Variants in LRAT observed in about 807,000 individuals in gnomAD.
LRAT encodes lecithin retinol acyltransferase.
In LRAT, 11 loss-of-function variants were observed where a neutral mutation model predicts 14.2. The ratio of observed to expected loss-of-function variants is 0.78; its 90% CI spans 0.49 to 1.29. The LOEUF (loss-of-function observed/expected upper bound fraction) is 1.29, where lower values mean the gene tolerates loss of function less well. Among genes scored for constraint, LRAT ranks in the 50% most tolerant of loss-of-function variants. The probability of loss-of-function intolerance (pLI) is 0.00; values close to 1 mark genes in which losing one functional copy is unlikely to be tolerated. For synonymous variants in LRAT, 144 were observed against 124.8 expected, an observed-to-expected ratio of 1.15 and a Z score of -1.03; for missense variants, 274 against 292.4, an observed-to-expected ratio of 0.94 and a Z score of 0.46.
intron 1 of LRAT, 33 bp from the exon 2 acceptor site, chr4:154,744,293 C>T (rs1386440634): frequency 1.2e-6 from 2 of 1,610,870 alleles, no homozygotes; most frequent in African/African-American, 2.7e-5. Context: ...GGAGTGGCAC[C>T]GGCACCTCTC....
upstream of LRAT, among the ~76,000 whole-genome samples, chr4:154,743,054 G>C (rs1382906006): frequency 7.3e-5 from 11 of 151,202 alleles, no homozygotes; most frequent in East Asian, 2.2e-3. Context: ...CAGGTGCCTA[G>C]GAGCGCAGAG....
In LRAT at chr4:154,749,625, T is replaced by C. The variant is rs1560873394; in HGVS notation, c.*489T>C. ...ACATGTTTGATGACTGGTCAAAAAA[T>C]AAGCTCATAATCTATTTTTTTCATG... On this transcript the variant is annotated 3_prime_UTR_variant, in exon 3 of 3. Coordinates refer to ENST00000336356, the MANE Select transcript of LRAT (RefSeq NM_004744.5). 1 of 155,498 alleles carries C rather than the reference T, an allele frequency of 6.4e-6. No homozygotes were observed. Among genetic ancestry groups the C allele is most frequent in the Non-Finnish European group, 1.4e-5 (1 of 70,220 alleles). The allele number at this position is 155,498 out of a possible 1,614,324, so 9.6% of individuals were successfully genotyped here.
In LRAT at chr4:154,744,109, CG is replaced by C; in HGVS notation, c.-114del. 3.4e-6 allele frequency: 2 copies of C among 592,200 alleles called. No homozygotes were observed. Among genetic ancestry groups the C allele is most frequent in the Admixed American group, 2.9e-5 (1 of 34,340 alleles). 36.7% of individuals were successfully genotyped at this position (592,200 alleles called of 1,614,324 possible). A position where few individuals can be genotyped will look rare whatever the true frequency, so the allele number is the denominator to read the frequency against. ...CGCCGTCAGCCACCGGTTCCTTATC[CG>C]TCTCATTCCCCATTGTGGCTTGGCT... On this transcript the variant is annotated 5_prime_UTR_variant, in exon 1 of 3. Coordinates refer to ENST00000336356, the MANE Select transcript of LRAT (RefSeq NM_004744.5).
rs372469644 is a variant in LRAT at position 154,744,407 on chromosome 4, G to C, written c.81G>C (p.Ser27=). The change falls in exon 2 of 3, where the codon TCG becomes TCC. Residue 27 remains serine, a synonymous_variant. Transcript: ENST00000336356. The part of the protein sequence containing the change: ...LLISNFTLFS[S]GAAGEDKGRN... Reference sequence around the variant, plus strand: ...TCTCCAACTTCACGCTCTTTAGTTCGGGCGCCGCGGGCGAAGACAAAGGGA... The same window carrying C: ...TCTCCAACTTCACGCTCTTTAGTTCCGGCGCCGCGGGCGAAGACAAAGGGA... 9 of 1,614,026 alleles carry C rather than the reference G, an allele frequency of 5.6e-6. No individual in the cohort carries two copies. The highest frequency in any genetic ancestry group is 4.0e-5 in the African/African-American group (3 of 74,924).
Position 154,750,325 on chromosome 4 carries a change from C to G in LRAT, c.*1189C>G, listed in dbSNP as rs1452920792. 1 of 152,046 alleles carries G rather than the reference C, an allele frequency of 6.6e-6. No individual in the cohort carries two copies. Among genetic ancestry groups the G allele is most frequent in the East Asian group, 1.9e-4 (1 of 5,204 alleles). The allele number at this position is 152,046 out of a possible 1,614,324, so 9.4% of individuals were successfully genotyped here. A position where few individuals can be genotyped will look rare whatever the true frequency, so the allele number is the denominator to read the frequency against. ...TTTAAAGTGGCTTAGTACTGCCAGT[C>G]ATGTAAATTGATTCTGCTGAGGGTC... On this transcript the variant is annotated 3_prime_UTR_variant, in exon 3 of 3. Transcript: ENST00000336356.
In LRAT at chr4:154,744,812, G is replaced by A. The variant is rs200607271; in HGVS notation, c.486G>A (p.Glu162=). The A allele has an allele frequency of 2.5e-6, 4 of 1,614,018 alleles. No individual in the cohort carries two copies. In the South Asian group the frequency reaches 3.3e-5, roughly 13 times the overall value. The change falls in exon 2 of 3, where the codon GAG becomes GAA. Residue 162 remains glutamate (E), a synonymous_variant. Transcript: ENST00000336356. Reference sequence around the variant, plus strand: ...ACAGCCTGCTGTGGAACAACTGCGAGCACTTCGTGACCTACTGCAGATATG... The same window carrying A: ...ACAGCCTGCTGTGGAACAACTGCGAACACTTCGTGACCTACTGCAGATATG... ...TPYSLLWNNC[E]HFVTYCRYGT...
upstream of LRAT, chr4:154,743,838 AG>A (rs1372231508): frequency 6.0e-6 from 1 of 167,418 alleles, no homozygotes; most frequent in African/African-American, 2.4e-5. Context: ...TGGAGCTGGG[AG>A]TCGGCCCGCC....
At chr4:154,746,880 A>T (rs372075856) in intron 2 of LRAT, among the ~76,000 whole-genome samples, 1 of 152,118 alleles carries the variant, frequency 6.6e-6, no homozygotes, top group Admixed American at 6.5e-5. Context: ...TTTTGTCTTC[A>T]CTTTGAATGG....
chr4:154,745,267 C>G (rs1041832707), intron 2 of LRAT: 1 of 198,890 alleles, frequency 5.0e-6, no homozygotes, highest in African/African-American at 2.3e-5. Context: ...GTGATCCTCC[C>G]GCCTCAGCAT....
At chr4:154,743,111 T>G (rs1560869455), upstream of LRAT, among the ~76,000 whole-genome samples, 4 of 111,148 alleles carry the variant, frequency 3.6e-5, no homozygotes, top group Non-Finnish European at 3.6e-5. Flanking sequence ...GACTCGCGGG[T>G]AGCGACCCCC....
rs1227921166 is a variant in LRAT at position 154,750,540 on chromosome 4, A to G, written c.*1404A>G. On this transcript the variant is annotated 3_prime_UTR_variant, in exon 3 of 3. Coordinates refer to ENST00000336356, the MANE Select transcript of LRAT (RefSeq NM_004744.5). ...ATGGGGAGGGCGGGGCCAATCAGTC[A>G]ATGATAATCTGAACAAATTTTAAGA... The G allele has an allele frequency of 6.6e-6, 1 of 152,166 alleles. No individual in the cohort carries two copies. Among genetic ancestry groups the G allele is most frequent in the Non-Finnish European group, 1.5e-5 (1 of 68,008 alleles). 9.4% of individuals were successfully genotyped at this position (152,166 alleles called of 1,614,324 possible).
At chr4:154,747,715 A>G (rs1212483878) in intron 2 of LRAT, among the ~76,000 whole-genome samples, 6 of 152,194 alleles carry the variant, frequency 3.9e-5, no homozygotes, top group Non-Finnish European at 8.8e-5. Context: ...TATGTCTTCC[A>G]TCAACCTCCT....
intron 2 of LRAT, chr4:154,748,266 C>G: frequency 2.0e-6 from 2 of 984,812 alleles, no homozygotes; most frequent in Non-Finnish European, 2.4e-6. Context: ...TCCCATTTGA[C>G]TACTTGAGGT....
In LRAT at chr4:154,744,076, A is replaced by G. The variant is rs893927809; in HGVS notation, c.-148A>G. ...TCCGGCTGCTTGTAGCACTGGTCTC[A>G]CTGTCCCCGCCGTCAGCCACCGGTT... On this transcript the variant is annotated 5_prime_UTR_variant, in exon 1 of 3. Coordinates refer to ENST00000336356, the MANE Select transcript of LRAT (RefSeq NM_004744.5). 2 of 551,554 alleles carry G rather than the reference A, an allele frequency of 3.6e-6. No homozygotes were observed. Among genetic ancestry groups the G allele is most frequent in the Non-Finnish European group, 6.5e-6 (2 of 305,668 alleles). The allele number at this position is 551,554 out of a possible 1,614,324, so 34.2% of individuals were successfully genotyped here.
At position 154,753,013 on chromosome 4, in the gene LRAT, T is replaced by G. The variant is rs1733027966; in HGVS notation, c.*3877T>G. On this transcript the variant is annotated 3_prime_UTR_variant, in exon 3 of 3. Transcript: ENST00000336356. ...AGCATATAAGAAATGGTTGCCAATC[T>G]TTGTTTTGTATGATCTATTTAGAGT... 6.6e-6 allele frequency: 1 copy of G among 152,240 alleles called. No individual in the cohort carries two copies. Among genetic ancestry groups the G allele is most frequent in the Non-Finnish European group, 1.5e-5 (1 of 68,046 alleles). The allele number at this position is 152,240 out of a possible 1,614,324, so 9.4% of individuals were successfully genotyped here. A position where few individuals can be genotyped will look rare whatever the true frequency, so the allele number is the denominator to read the frequency against.
At chr4:154,742,983 C>A (rs906849930), upstream of LRAT, among the ~76,000 whole-genome samples, 1 of 152,142 alleles carries the variant, frequency 6.6e-6, no homozygotes, top group Non-Finnish European at 1.5e-5. Flanking sequence ...GCTTTCCTGG[C>A]GGGCGTTGGG....
intron 2 of LRAT, chr4:154,748,108 C>T (rs1024423279): frequency 2.5e-6 from 1 of 407,592 alleles, no homozygotes; most frequent in Non-Finnish European, 3.3e-6. Context: ...TGCATTCTGG[C>T]ATCAACGGCA....
Position 154,749,178 on chromosome 4 carries a change from ATGTT to A in LRAT, c.*44_*47del. ...CAGTGTGTGTATTCTGTATGTAAAT[ATGTT>A]TATATTTATAGAGCATCAATCAATA... is the stretch of plus-strand genomic sequence containing the variant. On this transcript the variant is annotated 3_prime_UTR_variant, in exon 3 of 3. Coordinates refer to ENST00000336356, the MANE Select transcript of LRAT (RefSeq NM_004744.5). 1.3e-6 allele frequency: 2 copies of A among 1,580,008 alleles called. No homozygotes were observed. Among genetic ancestry groups the A allele is most frequent in the Non-Finnish European group, 1.7e-6 (2 of 1,149,194 alleles).
At chr4:154,743,125 A>ACCCCCCCCCCCCCCCCCCCCCCCCC (rs59844353), upstream of LRAT, among the ~76,000 whole-genome samples, 6 of 17,840 alleles carry the variant, frequency 3.4e-4, no homozygotes, top group Admixed American at 1.0e-3. Flanking sequence ...GACCCCCCCA[A>ACCCCCCCCCCCCCCCCCCCCCCCCC]CCCCCCCCCC....
Sources: allele counts gnomAD v4.1 joint callset (sites outside exome capture counted in the v4.1 genomes callset), GRCh38; gene constraint gnomAD v4.1.1; transcripts MANE v1.5; gene names NCBI Gene and HGNC (gene_info 2026-07-23, HGNC 2026-07-21).